The following NPAS3 variants were observed in gnomAD, a reference collection of about 807,000 sequenced individuals.
NPAS3 encodes the protein neuronal PAS domain protein 3.
In NPAS3, 14 loss-of-function variants were observed where a neutral mutation model predicts 73.1. The observed-to-expected ratio is 0.19, with a 90% CI of 0.13 to 0.30. The LOEUF (loss-of-function observed/expected upper bound fraction) is 0.30. Ranked by LOEUF, NPAS3 falls within the 10% of genes least tolerant of loss-of-function variation. The pLI, the probability that NPAS3 is intolerant of heterozygous loss-of-function variation, is 1.00. For missense variants in NPAS3, 1,096 were observed against 1,250.0 expected (o/e 0.88, Z 1.86); for synonymous variants, 620 against 541.5 (o/e 1.14, Z -2.01).
intron 2 of NPAS3, among the ~76,000 whole-genome samples, chr14:33,126,067 G>T (rs2043415507): frequency 6.6e-6 from 1 of 152,152 alleles, no homozygotes; most frequent in African/African-American, 2.4e-5. Flanking sequence ...TACCTCACGA[G>T]AAATTAACTG....
At chr14:33,191,041 G>A (rs1178205887) in intron 2 of NPAS3, among the ~76,000 whole-genome samples, 3 of 152,080 alleles carry the variant, frequency 2.0e-5, no homozygotes, top group Middle Eastern at 6.8e-3. Flanking sequence ...TCTACCTCTC[G>A]TTTTGTAAAT....
At chr14:33,682,325 G>A (rs530884728) in intron 6 of NPAS3, among the ~76,000 whole-genome samples, 4 of 152,148 alleles carry the variant, frequency 2.6e-5, no homozygotes, top group Non-Finnish European at 4.4e-5. Context: ...GCCTGTATGC[G>A]GCAAATCTAG....
intron 6 of NPAS3, chr14:33,680,820 A>G (rs138228214): frequency 6.9e-6 from 4 of 578,682 alleles, no homozygotes; most frequent in East Asian, 2.8e-5. Context: ...ATGAATAACT[A>G]CAGCTGCATG....
chr14:33,070,691 C>G (rs1027243649), intron 2 of NPAS3, among the ~76,000 whole-genome samples: 2 of 152,186 alleles, frequency 1.3e-5, no homozygotes, highest in Non-Finnish European at 2.9e-5. Flanking sequence ...GGTTTGAAAG[C>G]TGAGATTGCA....
At chr14:33,229,142 C>T (rs754548588) in intron 3 of NPAS3, among the ~76,000 whole-genome samples, 1 of 152,128 alleles carries the variant, frequency 6.6e-6, no homozygotes, top group Admixed American at 6.5e-5. Flanking sequence ...CCATGTAGAA[C>T]ACAGACTACT....
chr14:33,210,542 T>C (rs1393075368), intron 2 of NPAS3, among the ~76,000 whole-genome samples: 1 of 152,148 alleles, frequency 6.6e-6, no homozygotes, highest in African/African-American at 2.4e-5. Context: ...TGCCTGATTT[T>C]CAAGAGAACT....
intron 4 of NPAS3, among the ~76,000 whole-genome samples, chr14:33,518,406 A>G (rs2053403762): frequency 6.6e-6 from 1 of 152,154 alleles, no homozygotes; most frequent in East Asian, 2.0e-4. Context: ...TGCTTGTGTA[A>G]GTGTGCATCA....
chr14:33,413,553 G>C (rs552647161), intron 4 of NPAS3, among the ~76,000 whole-genome samples: 2 of 152,258 alleles, frequency 1.3e-5, no homozygotes, highest in South Asian at 4.1e-4. Flanking sequence ...GGCATCGGAA[G>C]CTGAGGATAT....
intron 2 of NPAS3, among the ~76,000 whole-genome samples, chr14:33,212,475 C>G (rs144399073): frequency 7.0e-6 from 1 of 143,158 alleles, no homozygotes; most frequent in East Asian, 2.1e-4. Context: ...ATAAAAAAAA[C>G]ATAAAGTAAA....
chr14:33,293,986 G>A (rs1267073347), intron 3 of NPAS3, among the ~76,000 whole-genome samples: 1 of 152,154 alleles, frequency 6.6e-6, no homozygotes, highest in Non-Finnish European at 1.5e-5. Flanking sequence ...CAGGTGCTAA[G>A]TAAGGCAAGA....
chr14:32,993,120 A>C (rs1447522971), intron 1 of NPAS3, among the ~76,000 whole-genome samples: 1 of 149,510 alleles, frequency 6.7e-6, no homozygotes, highest in Non-Finnish European at 1.5e-5. Flanking sequence ...ATTGCACTCC[A>C]CCTGGGCAAC....
At chr14:33,705,562 A>C (rs1160234066) in intron 6 of NPAS3, among the ~76,000 whole-genome samples, 1 of 152,228 alleles carries the variant, frequency 6.6e-6, no homozygotes, top group Admixed American at 6.5e-5. Flanking sequence ...TTTTGCGGAC[A>C]TTCTAGAGTT....
chr14:33,459,007 T>A (rs1372223223), intron 4 of NPAS3, among the ~76,000 whole-genome samples: 1 of 152,228 alleles, frequency 6.6e-6, no homozygotes, highest in African/African-American at 2.4e-5. Flanking sequence ...CCCATTTTTA[T>A]GGTTGTTTCT....
intron 3 of NPAS3, among the ~76,000 whole-genome samples, chr14:33,363,830 C>G (rs985472356): frequency 1.3e-5 from 2 of 151,952 alleles, no homozygotes; most frequent in Non-Finnish European, 2.9e-5. Context: ...AACTGTTCAA[C>G]TCCTATAGCT....
intron 5 of NPAS3, 101 bp from the exon 6 acceptor site, chr14:33,676,110 G>A: frequency 8.7e-7 from 1 of 1,145,536 alleles, no homozygotes; most frequent in Non-Finnish European, 1.3e-6. Flanking sequence ...GGACCTGAAT[G>A]TATTTTCTTT....
In NPAS3 at chr14:33,110,472, A is replaced by G. The variant is rs560977157; in HGVS notation, c.140+54478A>G. On this transcript the variant is annotated intron_variant, in intron 2 of 11. Coordinates refer to ENST00000356141, the Ensembl canonical transcript of NPAS3. ...CTCATTGCTGAATTTTCACAGTAGTAGTCTGTGGGAGTTCTGTGATACGCT... is the reference window on the plus strand; with the variant it reads ...CTCATTGCTGAATTTTCACAGTAGTGGTCTGTGGGAGTTCTGTGATACGCT... Among the ~76,000 whole-genome samples, 5 of 152,340 alleles carry G rather than the reference A, an allele frequency of 3.3e-5. 1 individual carries two copies. In the South Asian group the frequency reaches 8.3e-4, roughly 25 times the overall value.
chr14:33,659,271 T>TCTG (rs1312875959), intron 5 of NPAS3, among the ~76,000 whole-genome samples: 4 of 152,242 alleles, frequency 2.6e-5, no homozygotes, highest in Non-Finnish European at 5.9e-5. Context: ...TTATCTTTAC[T>TCTG]TTATAACAGA....
intron 3 of NPAS3, among the ~76,000 whole-genome samples, chr14:33,248,996 G>T (rs1221998109): frequency 6.6e-6 from 1 of 152,142 alleles, no homozygotes; most frequent in Admixed American, 6.5e-5. Flanking sequence ...TGGGCTTAAA[G>T]TATTGACTGT....
At chr14:33,040,577 C>CA (rs1396516249) in intron 1 of NPAS3, among the ~76,000 whole-genome samples, 1 of 152,132 alleles carries the variant, frequency 6.6e-6, no homozygotes, top group African/African-American at 2.4e-5. Context: ...ACCCGCCCCC[C>CA]ACAGATCTAC....
Sources: gnomAD v4.1 joint callset for allele counts (sites outside exome capture counted in the v4.1 genomes callset) on GRCh38, gnomAD v4.1.1 for gene constraint, MANE v1.5 for transcripts, NCBI Gene and HGNC (gene_info 2026-07-23, HGNC 2026-07-21) for gene names.